The following DLGAP2 variants were observed in gnomAD, a reference collection of about 807,000 sequenced individuals.
DLGAP2 encodes the protein DLG associated protein 2, also known as disks large-associated protein 2.
DLGAP2 carries 26 observed loss-of-function variants against 100.3 expected under a neutral mutation model. That is an observed-to-expected ratio of 0.26 (90% CI 0.19 to 0.36). The LOEUF (loss-of-function observed/expected upper bound fraction) is 0.36. Among genes scored for constraint, DLGAP2 ranks in the 10% least tolerant of loss-of-function variants. The pLI, the probability that DLGAP2 is intolerant of heterozygous loss-of-function variation, is 1.00. For missense variants in DLGAP2, 1,858 were observed against 1,453.2 expected (o/e 1.28, Z -4.53); for synonymous variants, 886 against 630.1 (o/e 1.41, Z -6.08).
At chr8:1,325,082 C>A (rs907875540) in intron 3 of DLGAP2, among the ~76,000 whole-genome samples, 1 of 152,164 alleles carries the variant, frequency 6.6e-6, no homozygotes, top group Non-Finnish European at 1.5e-5. Context: ...CATCCTTGGC[C>A]TCCACCTCAC....
intron 2 of DLGAP2, among the ~76,000 whole-genome samples, chr8:938,781 A>G (rs893692407): frequency 7.9e-5 from 12 of 152,192 alleles, no homozygotes; most frequent in African/African-American, 2.9e-4. Context: ...GTCTCAGCAC[A>G]GGGGCCACGG....
chr8:756,295 T>C (rs1435083549), intron 1 of DLGAP2, among the ~76,000 whole-genome samples: 1 of 151,938 alleles, frequency 6.6e-6, no homozygotes, highest in African/African-American at 2.4e-5. Flanking sequence ...CATGGCCGGA[T>C]AGGGAGCAGG....
chr8:1,533,506 CA>C (rs397963380), intron 4 of DLGAP2, among the ~76,000 whole-genome samples: 72 of 138,900 alleles, frequency 5.2e-4, no homozygotes, highest in Non-Finnish European at 5.4e-4. Context: ...ACTCTGTCTC[CA>C]AAAAAAAAAA....
At chr8:1,473,375 C>A (rs1798852451) in intron 3 of DLGAP2, among the ~76,000 whole-genome samples, 1 of 152,238 alleles carries the variant, frequency 6.6e-6, no homozygotes, top group African/African-American at 2.4e-5. Context: ...AGAACGGAGC[C>A]TGCAGTGAGG....
chr8:1,658,952 T>G (rs1798347625), intron 8 of DLGAP2, among the ~76,000 whole-genome samples: 1 of 152,190 alleles, frequency 6.6e-6, no homozygotes, highest in African/African-American at 2.4e-5. Flanking sequence ...TTTTCTGCTT[T>G]CTTCTGTGAC....
intron 3 of DLGAP2, among the ~76,000 whole-genome samples, chr8:1,346,796 T>C (rs13258596): frequency 2.6e-5 from 4 of 150,986 alleles, no homozygotes; most frequent in Admixed American, 6.6e-5. Context: ...TTTGAACTCA[T>C]GGTAGATGTG....
intron 6 of DLGAP2, among the ~76,000 whole-genome samples, chr8:1,617,836 C>G (rs1033332920): frequency 3.3e-5 from 5 of 151,982 alleles, no homozygotes; most frequent in African/African-American, 9.7e-5. Flanking sequence ...TTGATTAACC[C>G]AAAAGAAAGC....
At chr8:1,095,592 T>G (rs987564095) in intron 2 of DLGAP2, among the ~76,000 whole-genome samples, 2 of 152,188 alleles carry the variant, frequency 1.3e-5, no homozygotes, top group African/African-American at 4.8e-5. Flanking sequence ...CTTGGGGGTC[T>G]TCAAAGTAAA....
intron 6 of DLGAP2, among the ~76,000 whole-genome samples, chr8:1,578,202 T>C (rs903445386): frequency 3.3e-5 from 5 of 152,214 alleles, no homozygotes; most frequent in African/African-American, 4.8e-5. Flanking sequence ...AAAATGATAA[T>C]GAATGTTTGC....
At chr8:1,512,036 A>G (rs1341916046) in intron 4 of DLGAP2, among the ~76,000 whole-genome samples, 2 of 152,226 alleles carry the variant, frequency 1.3e-5, no homozygotes. Flanking sequence ...AATCTTCAGA[A>G]GTCTCCCTGA....
intron 2 of DLGAP2, among the ~76,000 whole-genome samples, chr8:1,173,202 C>A (rs7814224): frequency 2.0e-5 from 3 of 152,074 alleles, no homozygotes; most frequent in Admixed American, 6.5e-5. Context: ...AGTGGTTTTT[C>A]GTGAACCGCG....
At chr8:1,384,344 GGCCCC>G (rs1796166080) in intron 3 of DLGAP2, among the ~76,000 whole-genome samples, 1 of 121,662 alleles carries the variant, frequency 8.2e-6, no homozygotes, top group African/African-American at 3.1e-5. Context: ...GCCTGTGCCC[GGCCCC>G]TGAGAACTTG....
chr8:786,149 A>AG (rs1267374029), intron 1 of DLGAP2, among the ~76,000 whole-genome samples: 4 of 152,176 alleles, frequency 2.6e-5, no homozygotes, highest in African/African-American at 9.6e-5. Flanking sequence ...GCGCAGGGGC[A>AG]GGAAAAGCCC....
intron 1 of DLGAP2, among the ~76,000 whole-genome samples, chr8:759,096 T>C (rs1323410678): frequency 3.5e-4 from 33 of 94,622 alleles, no homozygotes; most frequent in Middle Eastern, 6.2e-3. Context: ...CTTCCTGTTA[T>C]CAATACCCCC....
chr8:1,326,475 G>T (rs191440345), intron 3 of DLGAP2, among the ~76,000 whole-genome samples: 1 of 151,406 alleles, frequency 6.6e-6, no homozygotes, highest in African/African-American at 2.4e-5. Flanking sequence ...CATGGCACGC[G>T]CTCGGTCTCG....
intron 2 of DLGAP2, among the ~76,000 whole-genome samples, chr8:1,070,767 G>C (rs947059304): frequency 6.6e-6 from 1 of 152,170 alleles, no homozygotes; most frequent in Non-Finnish European, 1.5e-5. Flanking sequence ...ATGAATGATT[G>C]TGCACAGGAA....
At chr8:1,630,735 A>G (rs1347196547) in intron 7 of DLGAP2, among the ~76,000 whole-genome samples, 1 of 152,180 alleles carries the variant, frequency 6.6e-6, no homozygotes, top group South Asian at 2.1e-4. Context: ...TTCATGTTTA[A>G]CATTCAATTT....
At chr8:1,533,542 G>C (rs4876085) in intron 4 of DLGAP2, among the ~76,000 whole-genome samples, 104,124 of 151,818 alleles carry the variant, frequency 0.69, 36,047 homozygotes, top group South Asian at 0.83. Context: ...TAAAAATGCT[G>C]TGTGCACTGA....
intron 3 of DLGAP2, among the ~76,000 whole-genome samples, chr8:1,415,747 A>G (rs1409768098): frequency 3.3e-5 from 5 of 152,128 alleles, no homozygotes; most frequent in South Asian, 2.1e-4. Flanking sequence ...TGTTTTTGCT[A>G]TTGCGAACCT....
Sources: gnomAD v4.1 joint callset for allele counts (sites outside exome capture counted in the v4.1 genomes callset) on GRCh38, gnomAD v4.1.1 for gene constraint, MANE v1.5 for transcripts, NCBI Gene and HGNC (gene_info 2026-07-23, HGNC 2026-07-21) for gene names.